Variants in RBFOX1 observed in about 807,000 individuals in gnomAD.
RBFOX1 encodes the protein RNA binding protein fox-1 homolog 1.
In RBFOX1, 8 loss-of-function variants were observed where a neutral mutation model predicts 57.7. The observed-to-expected ratio is 0.14, with a 90% confidence interval of 0.08 to 0.25. The LOEUF is 0.25. Ranked by LOEUF, RBFOX1 falls within the 10% of genes least tolerant of loss-of-function variation. RBFOX1 has a pLI of 1.00. For synonymous variants in RBFOX1, 326 were observed against 222.4 expected (o/e 1.47, Z -4.15); for missense variants, 611 against 548.5 (o/e 1.11, Z -1.14).
intron 3 of RBFOX1, among the ~76,000 whole-genome samples, chr16:6,699,423 C>T (rs149705212): frequency 3.3e-5 from 5 of 151,924 alleles, no homozygotes; most frequent in South Asian, 2.1e-4. Flanking sequence ...GACCATGCTG[C>T]GTGTCTTTGA....
In RBFOX1 at chr16:6,467,291, G is replaced by A. The variant is rs1567341988; in HGVS notation, c.-64+150234G>A. On this transcript the variant is annotated intron_variant, in intron 2 of 15. Coordinates refer to ENST00000550418, the MANE Select transcript of RBFOX1 (RefSeq NM_018723.4). ...TTACTTAATCCATATTTAATAAATTGAATTCCATTAATATGTATTATGTGG... is the reference window on the plus strand; with the variant it reads ...TTACTTAATCCATATTTAATAAATTAAATTCCATTAATATGTATTATGTGG... Among the ~76,000 whole-genome samples the A allele has an allele frequency of 2.6e-5, 4 of 151,574 alleles. No homozygotes were observed. The South Asian group carries it at 6.2e-4, about 24-fold the overall frequency.
At chr16:6,206,134 C>A (rs1194730268) in intron 1 of RBFOX1, among the ~76,000 whole-genome samples, 2 of 152,218 alleles carry the variant, frequency 1.3e-5, no homozygotes, top group South Asian at 2.1e-4. Flanking sequence ...AAATCTGACT[C>A]AGGAAGAAAA....
chr16:5,712,230 C>T (rs1259357858), intron 3 of RBFOX1, among the ~76,000 whole-genome samples: 1 of 152,214 alleles, frequency 6.6e-6, no homozygotes, highest in Non-Finnish European at 1.5e-5. Context: ...CTGGGGATTA[C>T]CATTTGAGAT....
At position 7,186,612 on chromosome 16, in the gene RBFOX1, A is replaced by T. The variant is rs183831640; in HGVS notation, c.27+134514A>T. On this transcript the variant is annotated intron_variant, in intron 4 of 15. Coordinates refer to ENST00000550418, the MANE Select transcript of RBFOX1 (RefSeq NM_018723.4). ...TAAACATATTTATATAAATATAAGC[A>T]TAAACATATTTATATAAATATAATA... Among the ~76,000 whole-genome samples the T allele has an allele frequency of 5.3e-3, 759 of 141,962 alleles. 13 individuals carry two copies. Among genetic ancestry groups the T allele is most frequent in the African/African-American group, 0.019 (713 of 37,238 alleles). The allele number at this position is 141,962 out of a possible 152,430, so 93.1% of individuals were successfully genotyped here. A position where few individuals can be genotyped will look rare whatever the true frequency, so the allele number is the denominator to read the frequency against.
intron 1 of RBFOX1, among the ~76,000 whole-genome samples, chr16:5,461,742 C>T (rs1359007867): frequency 2.0e-5 from 3 of 152,144 alleles, no homozygotes; most frequent in African/African-American, 7.2e-5. Flanking sequence ...AGATAGCCTG[C>T]TGGCAGGGTG....
At chr16:5,948,033 A>T (rs765465644) in intron 4 of RBFOX1, among the ~76,000 whole-genome samples, 94 of 152,318 alleles carry the variant, frequency 6.2e-4, no homozygotes, top group Non-Finnish European at 1.2e-3. Context: ...TCTTCAGCAG[A>T]ACCAACGCTG....
chr16:6,114,736 A>C (rs2096481669), intron 1 of RBFOX1, among the ~76,000 whole-genome samples: 1 of 152,172 alleles, frequency 6.6e-6, no homozygotes, highest in Non-Finnish European at 1.5e-5. Context: ...CTAGTGATGC[A>C]GGACGGGCAA....
At chr16:5,335,926 A>C (rs993609891) in intron 1 of RBFOX1, among the ~76,000 whole-genome samples, 3 of 152,206 alleles carry the variant, frequency 2.0e-5, no homozygotes, top group Non-Finnish European at 4.4e-5. Flanking sequence ...TGAGCCAGGT[A>C]CTGGGTCAAG....
intron 4 of RBFOX1, among the ~76,000 whole-genome samples, chr16:5,995,969 G>A (rs1292328326): frequency 6.6e-6 from 1 of 152,226 alleles, no homozygotes; most frequent in Non-Finnish European, 1.5e-5. Flanking sequence ...GGCCCATGTT[G>A]TGGTTCATAG....
intron 4 of RBFOX1, among the ~76,000 whole-genome samples, chr16:7,061,990 G>T (rs541830009): frequency 1.6e-4 from 24 of 152,084 alleles, no homozygotes; most frequent in Non-Finnish European, 3.4e-4. Context: ...CTCCTTTCCT[G>T]ATGATGCAGA....
chr16:7,201,717 C>A (rs1362544290), intron 4 of RBFOX1, among the ~76,000 whole-genome samples: 1 of 152,062 alleles, frequency 6.6e-6, no homozygotes, highest in Non-Finnish European at 1.5e-5. Context: ...CCCACCTCAG[C>A]CTCCCAAAGT....
At chr16:7,376,916 C>A (rs1478608129) in intron 4 of RBFOX1, among the ~76,000 whole-genome samples, 4 of 151,972 alleles carry the variant, frequency 2.6e-5, no homozygotes, top group Admixed American at 2.6e-4. Context: ...GTGCATAGAC[C>A]CATGTTGTAT....
At chr16:5,603,696 G>C (rs1217280749), downstream of RBFOX1, among the ~76,000 whole-genome samples, 1 of 152,190 alleles carries the variant, frequency 6.6e-6, no homozygotes, top group Non-Finnish European at 1.5e-5. Context: ...TGATTGTGTT[G>C]AGGTGGCATG....
At chr16:6,875,765 G>T (rs1324833735) in intron 3 of RBFOX1, among the ~76,000 whole-genome samples, 1 of 152,148 alleles carries the variant, frequency 6.6e-6, no homozygotes, top group Admixed American at 6.5e-5. Flanking sequence ...AGCACTTTGG[G>T]AGGCCATGAC....
chr16:5,413,584 C>T (rs758331135), intron 1 of RBFOX1, among the ~76,000 whole-genome samples: 4 of 152,178 alleles, frequency 2.6e-5, no homozygotes, highest in Non-Finnish European at 5.9e-5. Flanking sequence ...TCCATTGTCA[C>T]GGGAGGTTCT....
chr16:7,651,514 C>G (rs1369137647), intron 11 of RBFOX1, among the ~76,000 whole-genome samples: 1 of 152,186 alleles, frequency 6.6e-6, no homozygotes, highest in Non-Finnish European at 1.5e-5. Flanking sequence ...GCCTTTTGCT[C>G]CTTCTGCAAC....
intron 3 of RBFOX1, among the ~76,000 whole-genome samples, chr16:7,045,238 C>T (rs906201039): frequency 6.6e-6 from 1 of 151,908 alleles, no homozygotes; most frequent in Non-Finnish European, 1.5e-5. Context: ...GTGGTGGCAA[C>T]CAGTTTACTA....
chr16:5,810,296 G>A (rs945502425), intron 3 of RBFOX1, among the ~76,000 whole-genome samples: 1 of 151,988 alleles, frequency 6.6e-6, no homozygotes. Flanking sequence ...TGCACATTGT[G>A]CACATGTATC....
chr16:7,082,906 A>T (rs144980555), intron 4 of RBFOX1, among the ~76,000 whole-genome samples: 1 of 152,220 alleles, frequency 6.6e-6, no homozygotes, highest in Non-Finnish European at 1.5e-5. Context: ...TTTCTCTTGA[A>T]GCTTGACAAC....
Sources: gnomAD v4.1 joint callset for allele counts (sites outside exome capture counted in the v4.1 genomes callset) on GRCh38, gnomAD v4.1.1 for gene constraint, MANE v1.5 for transcripts, NCBI Gene and HGNC (gene_info 2026-07-23, HGNC 2026-07-21) for gene names.